FSCN2: variants seen among roughly 807,000 people sequenced by gnomAD.
FSCN2 encodes the protein fascin-2.
FSCN2 carries 46 observed loss-of-function variants against 37.8 expected under a neutral mutation model. That is an observed-to-expected ratio of 1.22 (90% CI 0.96 to 1.56). The LOEUF (loss-of-function observed/expected upper bound fraction) is 1.56. Among genes scored for constraint, FSCN2 ranks in the 40% most tolerant of loss-of-function variants. FSCN2 has a pLI of 0.00. For missense variants in FSCN2, 844 were observed against 730.4 expected (o/e 1.16, Z -1.79); for synonymous variants, 351 against 309.4 (o/e 1.13, Z -1.41).
At chr17:81,516,128 G>T in the FSCN2 span, among the ~76,000 whole-genome samples, 2 of 152,262 alleles carry the variant, frequency 1.3e-5, no homozygotes. Context: ...ACAGGCGTGA[G>T]CCACCTCACC....
At chr17:81,525,425 CAA>C (rs1202765459), upstream of FSCN2, among the ~76,000 whole-genome samples, 6 of 47,798 alleles carry the variant, frequency 1.3e-4, no homozygotes, top group Non-Finnish European at 2.5e-4. Context: ...GACTCTGTCT[CAA>C]AAAAAAAAAA....
intron 1 of FSCN2, chr17:81,530,232 G>A (rs538840549): frequency 2.2e-5 from 6 of 271,874 alleles, no homozygotes; most frequent in African/African-American, 9.4e-5. Flanking sequence ...CAGGAGTGGG[G>A]GGGCTTAAGG....
chr17:81,529,621 A>C (rs1164276437), intron 1 of FSCN2: 2 of 701,634 alleles, frequency 2.9e-6, no homozygotes, highest in Non-Finnish European at 5.3e-6. Context: ...ATAGCTGGAG[A>C]ATGTCTCAGC....
chr17:81,528,968 T>A lies in FSCN2; in HGVS notation c.437T>A (p.Val146Glu). Residue 146 changes from valine to glutamate, a missense_variant, in exon 1 of 5, where the codon GTG (valine) becomes GAG (glutamate). Val to Glu is a moderately radical substitution (Grantham distance 121). Transcript: ENST00000417245. ...CACCCGCAGGCCCACCTGCTGAGCG[T>A]GAGCCGGCGGCGCTACGTGCACCTG... Reference protein sequence around the residue: ...AIHPQAHLLSVSRRRYVHLCP... With the variant: ...AIHPQAHLLSESRRRYVHLCP... 4.4e-6 allele frequency: 7 copies of A among 1,588,526 alleles called. No individual in the cohort carries two copies. The highest frequency in any genetic ancestry group is 6.0e-6 in the Non-Finnish European group (7 of 1,171,996).
chr17:81,518,774 G>A, the FSCN2 span, among the ~76,000 whole-genome samples: 15 of 152,244 alleles, frequency 9.9e-5, no homozygotes, highest in Non-Finnish European at 1.9e-4. Flanking sequence ...AGAGCGACTA[G>A]GTCAGGGCCT....
At chr17:81,525,860 C>G (rs563791902), upstream of FSCN2, among the ~76,000 whole-genome samples, 13 of 152,302 alleles carry the variant, frequency 8.5e-5, no homozygotes, top group South Asian at 2.7e-3. Context: ...TGGGCAACAG[C>G]CTGGGGTCCT....
chr17:81,529,984 T>C, intron 1 of FSCN2: 1 of 302,014 alleles, frequency 3.3e-6, no homozygotes, highest in South Asian at 2.8e-5. Flanking sequence ...TAATTTTTTG[T>C]ATTTTTTAGA....
At position 81,536,894 on chromosome 17, in the gene FSCN2, G is replaced by A; in HGVS notation, c.1293G>A (p.Trp431Ter). ...CCCCAGGCCGCGACGGAGGGTTCTG[G>A]TACACGGGCAGCCACGGCAGCGTGT... ...YRIRGRDGGF[W>*]YTGSHGSVCS... The change falls in exon 5 of 5, where the codon TGG becomes TGA. Residue 431 changes from tryptophan to a stop codon, truncating the protein, a stop_gained. Coordinates refer to ENST00000417245, the MANE Select transcript of FSCN2 (RefSeq NM_012418.4). LOFTEE classifies it low-confidence loss of function (END_TRUNC). 1 of 1,578,166 alleles carries A rather than the reference G, an allele frequency of 6.3e-7. No individual in the cohort carries two copies. The highest frequency in any genetic ancestry group is 8.6e-7 in the Non-Finnish European group (1 of 1,164,186).
In FSCN2 at chr17:81,535,197, A is replaced by C. The variant is rs1372391142; in HGVS notation, c.972A>C (p.Thr324=). 6.5e-7 allele frequency: 1 copy of C among 1,531,286 alleles called. No individual in the cohort carries two copies. The allele number at this position is 1,531,286 out of a possible 1,614,324, so 94.9% of individuals were successfully genotyped here. ...TCACCCATGGGGGCATTCACGCCAC[A>C]GCCACACAAGTGTGAGTGCACACAT... The part of the protein sequence containing the change: ...TLVTHGGIHA[T]ATQVSANTMF... Residue 324 remains threonine, a synonymous_variant, in exon 2 of 5, where the codon ACA becomes ACC. Transcript: ENST00000417245.
chr17:81,532,022 GATA>G (rs1178704684), intron 1 of FSCN2, among the ~76,000 whole-genome samples: 28 of 107,166 alleles, frequency 2.6e-4, no homozygotes, highest in African/African-American at 8.3e-4. Flanking sequence ...TGGTGGTGAT[GATA>G]GTGATGGTGA....
chr17:81,517,656 C>T, the FSCN2 span, among the ~76,000 whole-genome samples: 1 of 152,144 alleles, frequency 6.6e-6, no homozygotes, highest in South Asian at 2.1e-4. Flanking sequence ...AAGAAGGCTC[C>T]TTTCCCCAGG....
At chr17:81,519,187 A>G in the FSCN2 span, 1 of 152,274 alleles carries the variant, frequency 6.6e-6, no homozygotes, top group Non-Finnish European at 1.5e-5. Flanking sequence ...GCCCGGCTGC[A>G]CGTGGTCGCG....
intron 2 of FSCN2, 129 bp from the exon 3 acceptor site, chr17:81,536,007 GTAGCGCCTGA>G: frequency 9.5e-7 from 1 of 1,053,402 alleles, no homozygotes; most frequent in South Asian, 1.6e-5. Flanking sequence ...CTGGGGCAGG[GTAGCGCCTGA>G]TGGTGGTGGG....
In FSCN2 at chr17:81,531,735, A is replaced by G. The variant is rs866502555; in HGVS notation, c.826+2378A>G. ...AGTGATGGTGGTGATGGTGATGGTG[A>G]TGATGGTGATGATAGTGATGGCGAT... On this transcript the variant is annotated intron_variant, in intron 1 of 4. Transcript: ENST00000417245. 1.0e-3 allele frequency among the ~76,000 whole-genome samples: 102 copies of G among 100,442 alleles called. 7 individuals carry two copies. Among genetic ancestry groups the G allele is most frequent in the African/African-American group, 4.7e-3 (86 of 18,384 alleles). The allele number at this position is 100,442 out of a possible 152,430, so 65.9% of individuals were successfully genotyped here. A position where few individuals can be genotyped will look rare whatever the true frequency, so the allele number is the denominator to read the frequency against.
chr17:81,534,944 TC>T, intron 1 of FSCN2, 107 bp from the exon 2 acceptor site: 1 of 742,896 alleles, frequency 1.3e-6, no homozygotes, highest in Non-Finnish European at 2.1e-6. Flanking sequence ...TCAAGAGGGT[TC>T]TAGATGAGAC....
intron 1 of FSCN2, among the ~76,000 whole-genome samples, chr17:81,532,312 CGAT>C (rs2032695119): frequency 1.3e-4 from 2 of 15,782 alleles, no homozygotes; most frequent in South Asian, 2.1e-3. Flanking sequence ...ATAGTGATGG[CGAT>C]GATGGTGATG....
intron 1 of FSCN2, among the ~76,000 whole-genome samples, chr17:81,531,091 GGTGGC>G (rs1160511522): frequency 6.6e-6 from 1 of 152,162 alleles, no homozygotes; most frequent in African/African-American, 2.4e-5. Flanking sequence ...TGATGTGCAT[GGTGGC>G]GTGGAAGTGG....
upstream of FSCN2, chr17:81,527,353 G>C (rs2032381818): frequency 6.6e-6 from 1 of 152,266 alleles, no homozygotes; most frequent in Admixed American, 6.5e-5. Context: ...AGGACACCGG[G>C]CTGGCCCTGG....
chr17:81,533,648 A>G (rs555964978), intron 1 of FSCN2, among the ~76,000 whole-genome samples: 2 of 152,282 alleles, frequency 1.3e-5, no homozygotes, highest in African/African-American at 4.8e-5. Flanking sequence ...CTTCACACTC[A>G]TTTGCCAGAA....
Sources: allele counts gnomAD v4.1 joint callset (sites outside exome capture counted in the v4.1 genomes callset), GRCh38; gene constraint gnomAD v4.1.1; transcripts MANE v1.5; gene names NCBI Gene and HGNC (gene_info 2026-07-23, HGNC 2026-07-21).